Variants in LMTK2 observed in about 807,000 individuals in gnomAD.
The protein encoded by LMTK2 is lemur tail kinase 2.
In LMTK2, 37 loss-of-function variants were observed where a neutral mutation model predicts 127.5. The observed-to-expected ratio is 0.29, with a 90% CI of 0.22 to 0.38. LMTK2 has a LOEUF of 0.38. Ranked by LOEUF, LMTK2 falls within the 10% of genes least tolerant of loss-of-function variation. The pLI, the probability that LMTK2 is intolerant of heterozygous loss-of-function variation, is 1.00. For missense variants in LMTK2, 1,694 were observed against 1,920.3 expected, an observed-to-expected ratio of 0.88 and a Z score of 2.20; for synonymous variants, 819 against 810.1, an observed-to-expected ratio of 1.01 and a Z score of -0.19.
At chr7:98,151,906 C>T (rs963421521) in intron 4 of LMTK2, among the ~76,000 whole-genome samples, 1 of 152,072 alleles carries the variant, frequency 6.6e-6, no homozygotes, top group African/African-American at 2.4e-5. Context: ...CTCTCCATCG[C>T]ATTGGTCATT....
Position 98,205,845 on chromosome 7 carries a change from G to T in LMTK2, c.*353G>T. ...CACCGCATGTGTGCTTTCCACAGGG[G>T]CGTCTCTGCGTCCACGCCTGCACAT... is the stretch of plus-strand genomic sequence containing the variant. On this transcript the variant is annotated 3_prime_UTR_variant, in exon 14 of 14. Transcript: ENST00000297293. 1 of 317,538 alleles carries T rather than the reference G, an allele frequency of 3.1e-6. No homozygotes were observed. The highest frequency in any genetic ancestry group is 6.0e-6 in the Non-Finnish European group (1 of 167,242). The allele number at this position is 317,538 out of a possible 1,614,324, so 19.7% of individuals were successfully genotyped here. A position where few individuals can be genotyped will look rare whatever the true frequency, so the allele number is the denominator to read the frequency against.
In LMTK2 at chr7:98,107,147, G is replaced by C. The variant is rs1314333279; in HGVS notation, c.-31G>C. On this transcript the variant is annotated 5_prime_UTR_variant, in exon 1 of 14. Coordinates refer to ENST00000297293, the MANE Select transcript of LMTK2 (RefSeq NM_014916.4). The stretch of plus-strand genomic sequence containing the variant: ...GACGGACGGACGGAAGGCGACTCGA[G>C]GGCCGGCCCCGGAGCCGCGCCGTGG... 1.8e-5 allele frequency: 25 copies of C among 1,407,576 alleles called. No homozygotes were observed. The highest frequency in any genetic ancestry group is 9.5e-5 in the Admixed American group (3 of 31,522). 87.2% of individuals were successfully genotyped at this position (1,407,576 alleles called of 1,614,324 possible).
intron 11 of LMTK2, among the ~76,000 whole-genome samples, chr7:98,198,187 T>C (rs532089392): frequency 1.3e-5 from 2 of 152,098 alleles, no homozygotes. Flanking sequence ...GAGACCTTAC[T>C]TCTTTTCTCC....
rs1196307580 is a variant in LMTK2 at position 98,171,820 on chromosome 7, A to T, written c.791+146A>T. The T allele has an allele frequency of 9.2e-6, 8 of 870,774 alleles. No individual in the cohort carries two copies. Among genetic ancestry groups the T allele is most frequent in the Non-Finnish European group, 1.3e-5 (8 of 598,930 alleles). 53.9% of individuals were successfully genotyped at this position (870,774 alleles called of 1,614,324 possible). Reference sequence around the variant, plus strand: ...GGTAGAAGCGATCTCGTTCTTACCCATGTCCGGATAAGGGTTGAGTTGGGC... The same window carrying T: ...GGTAGAAGCGATCTCGTTCTTACCCTTGTCCGGATAAGGGTTGAGTTGGGC... On this transcript the variant is annotated intron_variant, in intron 7 of 13. Transcript: ENST00000297293. The surrounding 1 kb of genome is among the most constrained non-coding windows in gnomAD (Gnocchi z 5.1).
intron 13 of LMTK2, among the ~76,000 whole-genome samples, chr7:98,204,543 C>G (rs1289531506): frequency 1.3e-5 from 2 of 152,222 alleles, no homozygotes; most frequent in African/African-American, 2.4e-5. Flanking sequence ...GGGAGGAATG[C>G]TTGAGCCCAG....
intron 6 of LMTK2, among the ~76,000 whole-genome samples, chr7:98,165,396 T>C (rs1439913060): frequency 2.0e-5 from 3 of 152,068 alleles, no homozygotes; most frequent in Admixed American, 6.5e-5. Context: ...TGTGTCAGGG[T>C]TGGTGATGGA....
At position 98,185,671 on chromosome 7, in the gene LMTK2, C is replaced by T. The variant is rs114475323; in HGVS notation, c.876+536C>T. ...TTCTGGGGCAGAGAATGGGACTGTC[C>T]CAGCTCCGGGCTGTCAGGAGACCTC... On this transcript the variant is annotated intron_variant, in intron 8 of 13. Transcript: ENST00000297293. Among the ~76,000 whole-genome samples, 1,017 of 152,050 alleles carry T rather than the reference C, an allele frequency of 6.7e-3. 10 individuals are homozygous for T. Among genetic ancestry groups the T allele is most frequent in the Middle Eastern group, 0.027 (8 of 292 alleles).
intron 1 of LMTK2, among the ~76,000 whole-genome samples, chr7:98,117,603 C>CTGCCCCAGTCCTAGAA (rs1796305129): frequency 6.6e-6 from 1 of 152,062 alleles, no homozygotes; most frequent in African/African-American, 2.4e-5. Context: ...TGTATATTCC[C>CTGCCCCAGTCCTAGAA]TGCCCCAGTC....
intron 6 of LMTK2, among the ~76,000 whole-genome samples, chr7:98,164,772 C>T (rs1048649348): frequency 4.6e-5 from 7 of 152,206 alleles, no homozygotes; most frequent in Admixed American, 2.6e-4. Context: ...GAACAAAGCA[C>T]GCTGGAGACC....
intron 6 of LMTK2, among the ~76,000 whole-genome samples, chr7:98,163,461 C>T (rs1300843479): frequency 3.3e-5 from 5 of 152,284 alleles, no homozygotes; most frequent in Middle Eastern, 3.4e-3. Flanking sequence ...AGGGTGCCAC[C>T]AACTTGTCCA....
At chr7:98,186,524 C>G (rs1388480062) in intron 8 of LMTK2, among the ~76,000 whole-genome samples, 1 of 152,214 alleles carries the variant, frequency 6.6e-6, no homozygotes, top group African/African-American at 2.4e-5. Flanking sequence ...CTAAAGCCTA[C>G]AGTCTTGCTC....
At chr7:98,189,186 C>G (rs183775454) in intron 9 of LMTK2, among the ~76,000 whole-genome samples, 2 of 152,120 alleles carry the variant, frequency 1.3e-5, no homozygotes, top group African/African-American at 4.8e-5. Context: ...ACTGTAGTGT[C>G]CACGGTGAGC....
In LMTK2 at chr7:98,204,092, G is replaced by T. The variant is rs1198920791; in HGVS notation, c.4389G>T (p.Pro1463=). ...CCCGGAGCACGGAGCAGAGCTGGCCGCACTCGGCGCCTTACTCCCGGTTCT... is the reference window on the plus strand; with the variant it reads ...CCCGGAGCACGGAGCAGAGCTGGCCTCACTCGGCGCCTTACTCCCGGTTCT... ...PPARSTEQSW[P]HSAPYSRFSI... The change falls in exon 13 of 14, where the codon CCG becomes CCT. Residue 1463 remains proline, a synonymous_variant. Coordinates refer to ENST00000297293, the MANE Select transcript of LMTK2 (RefSeq NM_014916.4). The T allele has an allele frequency of 2.5e-6, 4 of 1,613,416 alleles. No homozygotes were observed. The highest frequency in any genetic ancestry group is 3.4e-6 in the Non-Finnish European group (4 of 1,180,038).
Position 98,171,597 on chromosome 7 carries a change from G to A in LMTK2, c.714G>A (p.Gln238=), listed in dbSNP as rs1281759462. The A allele has an allele frequency of 6.8e-6, 11 of 1,613,202 alleles. No homozygotes were observed. Among genetic ancestry groups the A allele is most frequent in the Non-Finnish European group, 1.7e-6 (2 of 1,179,876 alleles). ...SEQEHMRGDS[Q]TMLLQRMACE... The stretch of plus-strand genomic sequence containing the variant: ...AGGAGCACATGCGGGGGGACTCACA[G>A]ACCATGCTGCTGCAGAGGATGGCGT... Residue 238 remains glutamine (Q), a synonymous_variant, in exon 7 of 14, where the codon CAG becomes CAA. Coordinates refer to ENST00000297293, the MANE Select transcript of LMTK2 (RefSeq NM_014916.4). This position sits in a 1 kb window ranked among gnomAD's most constrained non-coding sequence, Gnocchi z 5.1.
intron 1 of LMTK2, among the ~76,000 whole-genome samples, chr7:98,133,510 GT>G (rs200725037): frequency 6.0e-5 from 9 of 150,558 alleles, no homozygotes; most frequent in East Asian, 5.8e-4. Flanking sequence ...GCTAAATAGA[GT>G]TTTTTTTTAT....
chr7:98,133,595 T>C (rs980716131), intron 1 of LMTK2, among the ~76,000 whole-genome samples: 7 of 152,152 alleles, frequency 4.6e-5, no homozygotes, highest in Non-Finnish European at 2.9e-5. Context: ...AAATGTCTAC[T>C]TGAAGCTACC....
chr7:98,191,840 A>G lies in LMTK2; in HGVS notation c.1375A>G (p.Met459Val), dbSNP rs1285613343. 1 of 1,614,064 alleles carries G rather than the reference A, an allele frequency of 6.2e-7. No homozygotes were observed. The highest frequency in any genetic ancestry group is 2.2e-5 in the East Asian group (1 of 44,890). Reference sequence around the variant, plus strand: ...TGCCAGGGACCGGCTGGGTCGTGAAATGGAGGAAGTCCTCACCGTGACCGA... The same window carrying G: ...TGCCAGGGACCGGCTGGGTCGTGAAGTGGAGGAAGTCCTCACCGTGACCGA... ...HFARDRLGREMEEVLTVTETS... is the reference protein window; with the variant it reads ...HFARDRLGREVEEVLTVTETS... The change falls in exon 11 of 14, where the codon ATG (methionine) becomes GTG (valine). Residue 459 changes from methionine (M) to valine (V), a missense_variant. Physicochemically the swap from Met to Val is conservative, Grantham distance 21. Around this residue, in one of 8 missense-constraint regions of LMTK2, gnomAD observed 216 missense variants for 266.8 expected, o/e 0.81. Transcript: ENST00000297293.
intron 11 of LMTK2, among the ~76,000 whole-genome samples, chr7:98,196,796 C>T (rs561261104): frequency 1.3e-5 from 2 of 152,302 alleles, no homozygotes; most frequent in South Asian, 4.1e-4. Context: ...AAATACCAGA[C>T]ATGCTTAATG....
intron 6 of LMTK2, among the ~76,000 whole-genome samples, chr7:98,166,306 G>A (rs564553222): frequency 1.2e-4 from 18 of 152,380 alleles, no homozygotes; most frequent in South Asian, 6.2e-4. Context: ...GGAGCCACAC[G>A]GAGTGGCAGC....
Sources: allele counts gnomAD v4.1 joint callset (sites outside exome capture counted in the v4.1 genomes callset), GRCh38; gene constraint gnomAD v4.1.1; regional missense constraint gnomAD v4.1.1; non-coding constraint Gnocchi (gnomAD v3.1); transcripts MANE v1.5; gene names NCBI Gene and HGNC (gene_info 2026-07-23, HGNC 2026-07-21).